Variants in MUC17 observed in about 807,000 individuals in gnomAD.
MUC17 encodes the protein mucin-17.
Under a neutral mutation model 170.3 loss-of-function variants are expected in MUC17, and 190 were observed. The observed-to-expected ratio is 1.12, with a 90% CI of 0.99 to 1.26. MUC17 has a LOEUF of 1.26. Among genes scored for constraint, MUC17 ranks in the 50% most tolerant of loss-of-function variants. MUC17 has a pLI of 0.00. For missense variants in MUC17, 6,415 were observed against 5,530.0 expected (o/e 1.16, Z -5.08); for synonymous variants, 2,325 against 2,002.5 (o/e 1.16, Z -4.30).
At position 101,032,150 on chromosome 7, in the gene MUC17, C is replaced by CACCTGTG; in HGVS notation, c.738_744dup (p.Ile249CysfsTer15). On this transcript the variant is annotated frameshift_variant, in exon 3 of 13. Coordinates refer to ENST00000306151, the MANE Select transcript of MUC17 (RefSeq NM_001040105.2). LOFTEE classifies it high-confidence loss of function. ...TTGACAACTCCTGTTGAAATCAGCA[C>CACCTGTG]ACCTGTGACCATTTCTGCTCAAGCC... The CACCTGTG allele has an allele frequency of 6.2e-7, 1 of 1,613,796 alleles. No homozygotes were observed. Among genetic ancestry groups the CACCTGTG allele is most frequent in the Non-Finnish European group, 8.5e-7 (1 of 1,179,972 alleles).
Position 101,033,732 on chromosome 7 carries a change from T to A in MUC17, c.2316T>A (p.Leu772=). The stretch of plus-strand genomic sequence containing the variant: ...CTAGCACCCTTTCAACAACTCCTCT[T>A]GACACAAGCACACATATCACCACTT... ...SEASTLSTTP[L]DTSTHITTST... is the part of the protein sequence containing the mutation. The change falls in exon 3 of 13, where the codon CTT becomes CTA. Residue 772 remains leucine, a synonymous_variant. Coordinates refer to ENST00000306151, the MANE Select transcript of MUC17 (RefSeq NM_001040105.2). 1 of 1,613,830 alleles carries A rather than the reference T, an allele frequency of 6.2e-7. No individual in the cohort carries two copies. Among genetic ancestry groups the A allele is most frequent in the Non-Finnish European group, 8.5e-7 (1 of 1,179,842 alleles).
At position 101,048,125 on chromosome 7, in the gene MUC17, A is replaced by G. The variant is rs769093817; in HGVS notation, c.12535+10A>G. On this transcript the variant is annotated intron_variant, in intron 4 of 12. Transcript: ENST00000306151. ...AGCAGCATTGACATAGGTGAGTGCA[A>G]CCCCAGGCCTTCCCCCACCCCATGC... 22 of 1,558,512 alleles carry G rather than the reference A, an allele frequency of 1.4e-5. No homozygotes were observed. The highest frequency in any genetic ancestry group is 1.6e-5 in the Non-Finnish European group (19 of 1,152,598).
intron 1 of MUC17, 148 bp from the exon 2 acceptor site, chr7:101,030,972 G>A: frequency 2.1e-6 from 2 of 930,536 alleles, no homozygotes; most frequent in Non-Finnish European, 3.1e-6. Context: ...TTCTGGGGCA[G>A]GGTCCTGATG....
At chr7:101,026,771 G>T (rs886114629) in intron 1 of MUC17, among the ~76,000 whole-genome samples, 1 of 152,146 alleles carries the variant, frequency 6.6e-6, no homozygotes, top group South Asian at 2.1e-4. Context: ...AGTAGAGGTA[G>T]CATCTCACCA....
At position 101,032,917 on chromosome 7, in the gene MUC17, A is replaced by G; in HGVS notation, c.1501A>G (p.Met501Val). 6.2e-7 allele frequency: 1 copy of G among 1,614,026 alleles called. No homozygotes were observed. The highest frequency in any genetic ancestry group is 8.5e-7 in the Non-Finnish European group (1 of 1,179,992). The stretch of plus-strand genomic sequence containing the variant: ...TCCTCCAACTGCTGAAGTTAACAGC[A>G]TGCCAACCTCAACTCCTAGTGAAGG... ...SSPPTAEVNS[M>V]PTSTPSEGST... The change falls in exon 3 of 13, where the codon ATG becomes GTG. Residue 501 changes from methionine to valine, a missense_variant. Met to Val is a conservative substitution (Grantham distance 21). Transcript: ENST00000306151.
chr7:101,037,070 A>G lies in MUC17; in HGVS notation c.5654A>G (p.Asn1885Ser), dbSNP rs866464381. Residue 1885 changes from asparagine (N) to serine (S), a missense_variant, in exon 3 of 13, where the codon AAC becomes AGC. Transcript: ENST00000306151. ...STTTVASSET[N>S]TLSTTPAVTS... ...ACAACAGTGGCCAGTTCTGAAACCA[A>G]CACCCTTTCAACAACTCCCGCTGTC... The G allele has an allele frequency of 6.3e-6, 10 of 1,581,414 alleles. No homozygotes were observed. Among genetic ancestry groups the G allele is most frequent in the Admixed American group, 5.2e-5 (3 of 58,032 alleles).
chr7:101,029,527 T>G lies in MUC17; in HGVS notation c.83-1593T>G, dbSNP rs575880275. 1.0e-3 allele frequency among the ~76,000 whole-genome samples: 155 copies of G among 152,328 alleles called. 2 individuals carry two copies. Among genetic ancestry groups the G allele is most frequent in the Non-Finnish European group, 1.8e-3 (123 of 68,042 alleles). ...ACTGTTCATACTCAGTAATGATTCA[T>G]GCCAGATGTTGTGAATTTTACCTTG... On this transcript the variant is annotated intron_variant, in intron 1 of 12. Transcript: ENST00000306151.
chr7:101,028,943 T>G (rs1361268070), intron 1 of MUC17, among the ~76,000 whole-genome samples: 1 of 151,184 alleles, frequency 6.6e-6, no homozygotes, highest in Non-Finnish European at 1.5e-5. Context: ...AACCCAGCAT[T>G]TTGGGAGGCC....
At chr7:101,056,585 TAGC>T (rs1303369796) in intron 12 of MUC17, among the ~76,000 whole-genome samples, 1 of 152,218 alleles carries the variant, frequency 6.6e-6, no homozygotes, top group Non-Finnish European at 1.5e-5. Flanking sequence ...AAAGTCAAAA[TAGC>T]AGTGCAGTAA....
In MUC17 at chr7:101,035,582, C is replaced by G. The variant is rs1794446513; in HGVS notation, c.4166C>G (p.Ser1389Ter). The G allele has an allele frequency of 3.1e-6, 5 of 1,613,508 alleles. No homozygotes were observed. The highest frequency in any genetic ancestry group is 3.4e-6 in the Non-Finnish European group (4 of 1,179,850). Residue 1389 changes from serine to a stop codon, truncating the protein, a stop_gained, in exon 3 of 13, where the codon TCA becomes TGA. Transcript: ENST00000306151. LOFTEE classifies it high-confidence loss of function. ...TTSEGTSMPNSNPSEGTTPLT... is the reference protein window; with the variant it reads ...TTSEGTSMPN ...TCTGAAGGTACCAGCATGCCAAACT[C>G]AAATCCTAGTGAAGGAACCACTCCG...
intron 7 of MUC17, among the ~76,000 whole-genome samples, 196 bp downstream of exon 7, chr7:101,050,831 C>T (rs935554047): frequency 4.6e-5 from 7 of 152,176 alleles, no homozygotes; most frequent in African/African-American, 9.6e-5. Context: ...CTTCATCATC[C>T]TCTGGCCCAT....
chr7:101,056,549 G>A (rs1430283209), intron 12 of MUC17, among the ~76,000 whole-genome samples: 1 of 152,162 alleles, frequency 6.6e-6, no homozygotes, highest in African/African-American at 2.4e-5. Context: ...AACTTACTTA[G>A]TTATTTTAAC....
rs144023476 is a variant in MUC17, at chr7:101,041,292, G to A, written c.9876G>A (p.Thr3292=). 3.3e-3 allele frequency: 4,945 copies of A among 1,491,408 alleles called. 14 individuals are homozygous for A. The highest frequency in any genetic ancestry group is 0.025 in the African/African-American group (1,583 of 64,050). The allele number at this position is 1,491,408 out of a possible 1,614,324, so 92.4% of individuals were successfully genotyped here. ...CAAGTATGCCTGTCAGCACCACAAC[G>A]GTGGCCAGTTCTGAAACGAGCACCC... ...PLTSMPVSTT[T]VASSETSTLS... is the part of the protein sequence containing the mutation. Residue 3292 remains threonine, a synonymous_variant, in exon 3 of 13, where the codon ACG becomes ACA. Transcript: ENST00000306151.
Position 101,034,562 on chromosome 7 carries a change from T to G in MUC17, c.3146T>G (p.Val1049Gly), listed in dbSNP as rs1336844563. 2 of 1,612,444 alleles carry G rather than the reference T, an allele frequency of 1.2e-6. No individual in the cohort carries two copies. The highest frequency in any genetic ancestry group is 2.7e-5 in the African/African-American group (2 of 74,850). The change falls in exon 3 of 13, where the codon GTC (valine) becomes GGC (glycine). Residue 1049 changes from valine to glycine, a missense_variant. Transcript: ENST00000306151. ...EGSTPLTRMP[V>G]STTMVASSET... is the part of the protein sequence containing the mutation. Reference sequence around the variant, plus strand: ...AGCACTCCATTAACACGTATGCCTGTCAGCACCACAATGGTGGCCAGTTCT... The same window carrying G: ...AGCACTCCATTAACACGTATGCCTGGCAGCACCACAATGGTGGCCAGTTCT...
chr7:101,057,619 C>T (rs1387763505), intron 12 of MUC17, among the ~76,000 whole-genome samples: 1 of 152,162 alleles, frequency 6.6e-6, no homozygotes, highest in Non-Finnish European at 1.5e-5. Flanking sequence ...GTGGCTCACA[C>T]CTGTAATCCC....
In MUC17 at chr7:101,033,163, G is replaced by T; in HGVS notation, c.1747G>T (p.Val583Phe). The T allele has an allele frequency of 3.1e-6, 5 of 1,611,912 alleles. No individual in the cohort carries two copies. Among genetic ancestry groups the T allele is most frequent in the Non-Finnish European group, 4.2e-6 (5 of 1,178,674 alleles). ...TNMPVSTRLV[V>F]SSEASTTSTT... ...CATGCCTGTCAGCACCAGGCTGGTGGTCAGTTCTGAGGCTAGCACCACTTC... is the reference window on the plus strand; with the variant it reads ...CATGCCTGTCAGCACCAGGCTGGTGTTCAGTTCTGAGGCTAGCACCACTTC... Residue 583 changes from valine to phenylalanine, a missense_variant, in exon 3 of 13, where the codon GTC becomes TTC. Coordinates refer to ENST00000306151, the MANE Select transcript of MUC17 (RefSeq NM_001040105.2).
chr7:101,045,152 T>A (rs1253624584), intron 3 of MUC17, among the ~76,000 whole-genome samples: 1 of 152,224 alleles, frequency 6.6e-6, no homozygotes, highest in African/African-American at 2.4e-5. Context: ...AGATTAAGAA[T>A]ATTTTGCATA....
rs1192241665 is a variant in MUC17, at chr7:101,033,634, T to C, written c.2218T>C (p.Ser740Pro). 2 of 1,613,456 alleles carry C rather than the reference T, an allele frequency of 1.2e-6. No homozygotes were observed. Among genetic ancestry groups the C allele is most frequent in the Admixed American group, 3.3e-5 (2 of 59,968 alleles). The change falls in exon 3 of 13, where the codon TCA becomes CCA. Residue 740 changes from serine (S) to proline (P), a missense_variant. Ser to Pro is a moderately conservative substitution (Grantham distance 74). Transcript: ENST00000306151. ...TTADGASMPT[S>P]TPSEGSTPLT... ...TGCTGATGGTGCCAGTATGCCAACC[T>C]CAACTCCTAGTGAAGGAAGCACTCC...
rs1267834219 is a variant in MUC17 at position 101,039,041 on chromosome 7, C to T, written c.7625C>T (p.Ser2542Phe). 6.2e-7 allele frequency: 1 copy of T among 1,613,750 alleles called. No homozygotes were observed. Among genetic ancestry groups the T allele is most frequent in the South Asian group, 1.1e-5 (1 of 91,066 alleles). ...ACCCTTTCAACAACTCCTGTTGACT[C>T]CAACAGTCCTGTGGTCACTTCTACT... ...ASTLSTTPVD[S>F]NSPVVTSTEI... The change falls in exon 3 of 13, where the codon TCC (serine) becomes TTC (phenylalanine). Residue 2542 changes from serine (S) to phenylalanine (F), a missense_variant. Coordinates refer to ENST00000306151, the MANE Select transcript of MUC17 (RefSeq NM_001040105.2).
Sources: allele counts gnomAD v4.1 joint callset (sites outside exome capture counted in the v4.1 genomes callset), GRCh38; gene constraint gnomAD v4.1.1; transcripts MANE v1.5; gene names NCBI Gene and HGNC (gene_info 2026-07-23, HGNC 2026-07-21).